CFAP61: variants seen among roughly 807,000 people sequenced by gnomAD.
The protein encoded by CFAP61 is cilia- and flagella-associated protein 61.
In CFAP61, 107 loss-of-function variants were observed where a neutral mutation model predicts 135.6. The observed-to-expected ratio is 0.79, with a 90% CI of 0.67 to 0.93. The LOEUF (loss-of-function observed/expected upper bound fraction) is 0.93. CFAP61 is among the 40% of genes least tolerant of loss of function. CFAP61 has a pLI of 0.00. For synonymous variants in CFAP61, 575 were observed against 578.5 expected (o/e 0.99, Z 0.09); for missense variants, 1,507 against 1,556.2 (o/e 0.97, Z 0.53).
rs188693314 is a variant in CFAP61 at position 20,111,692 on chromosome 20, G to C, written c.859+12878G>C. Among the ~76,000 whole-genome samples the C allele has an allele frequency of 1.8e-3, 280 of 152,228 alleles. 1 individual carries two copies. The highest frequency in any genetic ancestry group is 6.5e-3 in the African/African-American group (272 of 41,548). ...TTTGGAACTCTGGAGGGATCAGGCAGGGAGAAAAATAAGATATTTCATTTC... is the reference window on the plus strand; with the variant it reads ...TTTGGAACTCTGGAGGGATCAGGCACGGAGAAAAATAAGATATTTCATTTC... On this transcript the variant is annotated intron_variant, in intron 8 of 26. Coordinates refer to ENST00000245957, the MANE Select transcript of CFAP61 (RefSeq NM_015585.4).
At chr20:20,099,514 A>G (rs1312116489) in intron 8 of CFAP61, among the ~76,000 whole-genome samples, 2 of 152,016 alleles carry the variant, frequency 1.3e-5, no homozygotes, top group Non-Finnish European at 1.5e-5. Context: ...GGGTACATCA[A>G]TTCACTTCTC....
chr20:20,111,000 A>C (rs1267081731), intron 8 of CFAP61, among the ~76,000 whole-genome samples: 1 of 152,226 alleles, frequency 6.6e-6, no homozygotes, highest in Non-Finnish European at 1.5e-5. Flanking sequence ...TGTGTAAGAT[A>C]GCAGGATTCA....
At chr20:20,178,525 G>A (rs556698971) in intron 13 of CFAP61, among the ~76,000 whole-genome samples, 54 of 152,190 alleles carry the variant, frequency 3.5e-4, no homozygotes, top group Middle Eastern at 6.8e-3. Context: ...TTTTAAATGT[G>A]GGGAAACGTT....
chr20:20,165,905 G>T (rs2053794496), intron 11 of CFAP61, among the ~76,000 whole-genome samples: 1 of 152,022 alleles, frequency 6.6e-6, no homozygotes. Context: ...TATATTTGTT[G>T]CTTTATATTT....
chr20:20,104,177 A>G (rs1423671923), intron 8 of CFAP61, among the ~76,000 whole-genome samples: 3 of 152,200 alleles, frequency 2.0e-5, no homozygotes, highest in Admixed American at 1.3e-4. Context: ...GTTGCTCACT[A>G]TACATATAAA....
intron 17 of CFAP61, among the ~76,000 whole-genome samples, chr20:20,206,964 A>G (rs2056883093): frequency 6.6e-6 from 1 of 152,262 alleles, no homozygotes; most frequent in Non-Finnish European, 1.5e-5. Flanking sequence ...AGGCCATTGA[A>G]GGGCAATGTC....
rs7262564 is a variant in CFAP61 at position 20,073,355 on chromosome 20, T to G, written c.295-947T>G. 7.1e-3 allele frequency among the ~76,000 whole-genome samples: 1,087 copies of G among 152,348 alleles called. 19 individuals carry two copies. The highest frequency in any genetic ancestry group is 0.025 in the African/African-American group (1,026 of 41,592). On this transcript the variant is annotated intron_variant, in intron 3 of 26. Coordinates refer to ENST00000245957, the MANE Select transcript of CFAP61 (RefSeq NM_015585.4). ...CAAAACATGGTTTTCCTCTTGCGCT[T>G]TTAGTCACCGTACAATTCTTTCCGA...
At chr20:20,178,051 A>C (rs1308457700) in intron 13 of CFAP61, among the ~76,000 whole-genome samples, 1 of 152,016 alleles carries the variant, frequency 6.6e-6, no homozygotes, top group African/African-American at 2.4e-5. Context: ...ACCTAATTTC[A>C]TTCTTCTTCC....
Position 20,098,799 on chromosome 20 carries a change from G to A in CFAP61, c.844G>A (p.Val282Ile), listed in dbSNP as rs755118514. ...TCTGGAATCACCACAAGACCTAAGT[G>A]TCCGAAGAAGTCAAGGTACAGTGGC... ...DVLESPQDLS[V>I]RRSQDAELRS... Residue 282 changes from valine (V) to isoleucine (I), a missense_variant, in exon 8 of 27, where the codon GTC becomes ATC. Transcript: ENST00000245957. 9 of 1,612,208 alleles carry A rather than the reference G, an allele frequency of 5.6e-6. No homozygotes were observed. The South Asian group carries it at 9.9e-5, about 18-fold the overall frequency.
At chr20:20,165,267 T>A (rs1339149050) in intron 11 of CFAP61, among the ~76,000 whole-genome samples, 1 of 152,202 alleles carries the variant, frequency 6.6e-6, no homozygotes, top group Admixed American at 6.5e-5. Context: ...CTGACAGGAC[T>A]GTGTGTTCAT....
In CFAP61 at chr20:20,052,581, C is replaced by T. The variant is rs764825513; in HGVS notation, c.-47C>T. On this transcript the variant is annotated 5_prime_UTR_variant, in exon 1 of 27. Transcript: ENST00000245957. Reference sequence around the variant, plus strand: ...GCGCGTGGAGTGCGGCGTCCTGGAGCTGCGGATGAGGTGGGTAACGCCGTG... The same window carrying T: ...GCGCGTGGAGTGCGGCGTCCTGGAGTTGCGGATGAGGTGGGTAACGCCGTG... 1.9e-6 allele frequency: 3 copies of T among 1,613,878 alleles called. No individual in the cohort carries two copies. The highest frequency in any genetic ancestry group is 1.7e-5 in the Admixed American group (1 of 60,008).
At chr20:20,136,605 TTTG>T (rs2050950627) in intron 8 of CFAP61, among the ~76,000 whole-genome samples, 2 of 152,184 alleles carry the variant, frequency 1.3e-5, no homozygotes, top group South Asian at 2.1e-4. Flanking sequence ...TTTCAAATTA[TTTG>T]TTAAGTTTAT....
At chr20:20,238,439 A>C (rs1446165321) in intron 18 of CFAP61, among the ~76,000 whole-genome samples, 1 of 152,216 alleles carries the variant, frequency 6.6e-6, no homozygotes, top group Non-Finnish European at 1.5e-5. Flanking sequence ...ATTAAATTGA[A>C]ACATTTAGAT....
At chr20:20,122,148 T>TTG (rs1568950282) in intron 8 of CFAP61, among the ~76,000 whole-genome samples, 1 of 149,830 alleles carries the variant, frequency 6.7e-6, no homozygotes, top group East Asian at 2.1e-4. Flanking sequence ...GTCATTCTTT[T>TTG]TTGTTGTTGT....
chr20:20,190,991 C>T (rs968729959), intron 14 of CFAP61, among the ~76,000 whole-genome samples: 5 of 151,972 alleles, frequency 3.3e-5, no homozygotes, highest in Non-Finnish European at 5.9e-5. Context: ...TGATGGGGCA[C>T]GCCTGTAGTC....
chr20:20,077,926 T>C (rs1412121321), intron 6 of CFAP61, among the ~76,000 whole-genome samples: 1 of 152,242 alleles, frequency 6.6e-6, no homozygotes, highest in African/African-American at 2.4e-5. Context: ...GACTCTTAGT[T>C]AATTCTCTCT....
chr20:20,322,741 A>G (rs2122259088), intron 25 of CFAP61: 5 of 985,024 alleles, frequency 5.1e-6, no homozygotes, highest in Non-Finnish European at 6.0e-6. Context: ...CGAGAACAGA[A>G]GAGATCATTA....
At position 20,141,999 on chromosome 20, in the gene CFAP61, AT is replaced by A. The variant is rs1177567844; in HGVS notation, c.860-857del. Among the ~76,000 whole-genome samples, 3 of 152,274 alleles carry A rather than the reference AT, an allele frequency of 2.0e-5. No homozygotes were observed. The East Asian group carries it at 5.8e-4, about 29-fold the overall frequency. On this transcript the variant is annotated intron_variant, in intron 8 of 26. Transcript: ENST00000245957. Reference sequence around the variant, plus strand: ...GCTGAGTCCCAAAGGCTGAGAGCAGATGTCATGGCTGAGAACTCCCAGCAGA... The same window carrying A: ...GCTGAGTCCCAAAGGCTGAGAGCAGAGTCATGGCTGAGAACTCCCAGCAGA...
chr20:20,177,607 G>A (rs1054180956), intron 13 of CFAP61, among the ~76,000 whole-genome samples: 7 of 151,614 alleles, frequency 4.6e-5, no homozygotes, highest in Non-Finnish European at 7.4e-5. Flanking sequence ...CTGCATACAT[G>A]TGCCAGCTTT....
Sources: allele counts gnomAD v4.1 joint callset (sites outside exome capture counted in the v4.1 genomes callset), GRCh38; gene constraint gnomAD v4.1.1; transcripts MANE v1.5; gene names NCBI Gene and HGNC (gene_info 2026-07-23, HGNC 2026-07-21).